RANGAP1: variants seen among roughly 807,000 people sequenced by gnomAD.
The protein encoded by RANGAP1 is ran GTPase-activating protein 1.
RANGAP1 carries 38 observed loss-of-function variants against 63.5 expected under a neutral mutation model. The observed-to-expected ratio is 0.60, with a 90% CI of 0.46 to 0.78. The LOEUF (loss-of-function observed/expected upper bound fraction) is 0.78, where lower values mean the gene tolerates loss of function less well. Ranked by LOEUF, RANGAP1 falls within the 30% of genes least tolerant of loss-of-function variation. The pLI, the probability that RANGAP1 is intolerant of heterozygous loss-of-function variation, is 0.00. For missense variants in RANGAP1, 630 were observed against 740.3 expected (o/e 0.85, Z 1.73); for synonymous variants, 329 against 310.5 (o/e 1.06, Z -0.63).
the RANGAP1 span, among the ~76,000 whole-genome samples, chr22:41,293,776 A>G: frequency 5.8e-5 from 5 of 86,602 alleles, no homozygotes; most frequent in East Asian, 4.5e-4. Flanking sequence ...AAAAAAAAAA[A>G]AAAAAGAAAA....
chr22:41,268,874 G>C (rs73414805), intron 3 of RANGAP1, among the ~76,000 whole-genome samples: 2,430 of 152,058 alleles, frequency 0.016, 59 homozygotes, highest in African/African-American at 0.056. Context: ...GGCCAACATG[G>C]TAAAACCCCT....
At chr22:41,255,805 G>C (rs768312218) in intron 10 of RANGAP1, among the ~76,000 whole-genome samples, 1 of 151,930 alleles carries the variant, frequency 6.6e-6, no homozygotes, top group Non-Finnish European at 1.5e-5. Context: ...AACAAATAAA[G>C]GGGCCAGGTG....
intron 6 of RANGAP1, among the ~76,000 whole-genome samples, chr22:41,259,362 T>C (rs2034031014): frequency 6.6e-6 from 1 of 152,204 alleles, no homozygotes; most frequent in South Asian, 2.1e-4. Flanking sequence ...GCCTTCTTAG[T>C]ATTTTCTGTG....
At chr22:41,264,150 G>A (rs1287344316) in intron 5 of RANGAP1, among the ~76,000 whole-genome samples, 4 of 152,208 alleles carry the variant, frequency 2.6e-5, no homozygotes, top group Admixed American at 1.3e-4. Flanking sequence ...ACGGCAGGCC[G>A]CCCTTGATGC....
At chr22:41,299,770 G>A in the RANGAP1 span, among the ~76,000 whole-genome samples, 1 of 146,210 alleles carries the variant, frequency 6.8e-6, no homozygotes, top group East Asian at 2.1e-4. Flanking sequence ...TTCTTTTTTT[G>A]AGACAGAGTC....
chr22:41,281,604 C>T lies in RANGAP1; in HGVS notation c.-38-522G>A, dbSNP rs540975692. 6.1e-6 allele frequency: 6 copies of T among 987,246 alleles called. 1 individual carries two copies. In the East Asian group the frequency reaches 4.5e-4, roughly 75 times the overall value. 61.2% of individuals were successfully genotyped at this position (987,246 alleles called of 1,614,324 possible). A position where few individuals can be genotyped will look rare whatever the true frequency, so the allele number is the denominator to read the frequency against. ...TGGGGTGGGGCACAGGGGTCAGCCC[C>T]ACTGCACGTCTGGTTTCAACCGTGG... On this transcript the variant is annotated intron_variant, in intron 1 of 15. Transcript: ENST00000356244.
chr22:41,249,913 C>G (rs146258657), intron 13 of RANGAP1, 96 bp from the exon 14 acceptor site: 2 of 1,072,232 alleles, frequency 1.9e-6, no homozygotes, highest in African/African-American at 3.1e-5. Context: ...GACACAGGCT[C>G]GCCTGCCTCC....
intron 5 of RANGAP1, among the ~76,000 whole-genome samples, chr22:41,263,850 G>C (rs981938302): frequency 4.6e-5 from 7 of 152,228 alleles, no homozygotes; most frequent in African/African-American, 4.8e-5. Flanking sequence ...CCTCAGCCTG[G>C]GGCTCCATGG....
At chr22:41,295,258 G>C in the RANGAP1 span, among the ~76,000 whole-genome samples, 168 of 151,806 alleles carry the variant, frequency 1.1e-3, no homozygotes, top group Admixed American at 3.3e-3. Flanking sequence ...GAATAGAAAG[G>C]GGGGAAAGGT....
intron 1 of RANGAP1, chr22:41,285,095 GCAGTT>G (rs2035685731): frequency 6.6e-6 from 1 of 152,128 alleles, no homozygotes; most frequent in South Asian, 2.1e-4. Context: ...AGCCGACGCT[GCAGTT>G]CAGCGGTGAT....
chr22:41,301,207 A>G, the RANGAP1 span, among the ~76,000 whole-genome samples: 223 of 152,214 alleles, frequency 1.5e-3, 1 homozygote, highest in Middle Eastern at 6.8e-3. Context: ...GCAGCCTTCC[A>G]TGAAAGCACC....
intron 2 of RANGAP1, among the ~76,000 whole-genome samples, chr22:41,278,180 AG>A: frequency 6.6e-6 from 1 of 152,018 alleles, no homozygotes; most frequent in Non-Finnish European, 1.5e-5. Flanking sequence ...CTGGGATTAC[AG>A]GTGTCCACCA....
rs2033810785 is a variant in RANGAP1 at position 41,256,046 on chromosome 22, T to C, written c.1048A>G (p.Met350Val). The C allele has an allele frequency of 6.2e-7, 1 of 1,613,954 alleles. No individual in the cohort carries two copies. The highest frequency in any genetic ancestry group is 1.1e-5 in the South Asian group (1 of 91,082). The part of the protein sequence containing the change: ...QLQEVLEGFN[M>V]AKVLASLSDD... ...CTGAGGGACGCCAGCACCTTGGCCA[T>C]GTTGAAGCCCTCCAGCACCTCCTGA... Residue 350 changes from methionine to valine, a missense_variant, in exon 10 of 16, where the codon ATG becomes GTG. Around this residue, in one of 3 missense-constraint regions of RANGAP1, gnomAD observed 428 missense variants for 465.5 expected, o/e 0.92. Transcript: ENST00000356244.
rs1403502446 is a variant in RANGAP1 at position 41,249,504 on chromosome 22, C to T, written c.1573-53G>A. Reference sequence around the variant, plus strand: ...TGAGCTTCAAAGTCACCTGGGGGGGCCCCTGGACTCCACCATCCAGACTCT... The same window carrying T: ...TGAGCTTCAAAGTCACCTGGGGGGGTCCCTGGACTCCACCATCCAGACTCT... On this transcript the variant is annotated intron_variant, in intron 14 of 15. Transcript: ENST00000356244. 5 of 1,608,364 alleles carry T rather than the reference C, an allele frequency of 3.1e-6. 1 individual carries two copies. Among genetic ancestry groups the T allele is most frequent in the East Asian group, 4.5e-5 (2 of 44,836 alleles).
At chr22:41,266,127 G>A (rs968138815) in intron 4 of RANGAP1, among the ~76,000 whole-genome samples, 6 of 151,698 alleles carry the variant, frequency 4.0e-5, no homozygotes, top group Admixed American at 6.6e-5. Flanking sequence ...GCATGAACCC[G>A]GGAGGCGGAG....
chr22:41,281,560 A>G, intron 1 of RANGAP1: 3 of 988,242 alleles, frequency 3.0e-6, no homozygotes, highest in Non-Finnish European at 3.6e-6. Flanking sequence ...ATGCCCCACC[A>G]CCCACGCTGG....
chr22:41,273,167 T>C (rs898233379), intron 3 of RANGAP1, among the ~76,000 whole-genome samples: 4 of 152,076 alleles, frequency 2.6e-5, no homozygotes, highest in Admixed American at 1.3e-4. Flanking sequence ...CAACCCAGTC[T>C]CTTCCCTGGT....
At chr22:41,300,057 T>C in the RANGAP1 span, among the ~76,000 whole-genome samples, 18 of 152,198 alleles carry the variant, frequency 1.2e-4, no homozygotes, top group Middle Eastern at 0.02. Flanking sequence ...GGCCTCCTCC[T>C]GGCCCTTTTC....
intron 5 of RANGAP1, 102 bp from the exon 6 acceptor site, chr22:41,261,682 T>C (rs1265631839): frequency 4.8e-6 from 7 of 1,451,024 alleles, no homozygotes; most frequent in Non-Finnish European, 6.6e-6. Flanking sequence ...ACGCCACCCA[T>C]CGGTGCAGGT....
Sources: gnomAD v4.1 joint callset for allele counts (sites outside exome capture counted in the v4.1 genomes callset) on GRCh38, gnomAD v4.1.1 for gene constraint, gnomAD v4.1.1 regional missense constraint, MANE v1.5 for transcripts, NCBI Gene and HGNC (gene_info 2026-07-23, HGNC 2026-07-21) for gene names.